The following PPEF1 variants were observed in gnomAD, a reference collection of about 807,000 sequenced individuals.
PPEF1 encodes serine/threonine-protein phosphatase with EF-hands 1.
Under a neutral mutation model 53.3 loss-of-function variants are expected in PPEF1, and 12 were observed. That is an observed-to-expected ratio of 0.23 (90% CI 0.14 to 0.36). PPEF1 has a LOEUF of 0.36. Among genes scored for constraint, PPEF1 ranks in the 10% least tolerant of loss-of-function variants. The probability of loss-of-function intolerance (pLI) is 1.00; values close to 1 mark genes in which losing one functional copy is unlikely to be tolerated. For synonymous variants in PPEF1, 165 were observed against 176.7 expected, an observed-to-expected ratio of 0.93 and a Z score of 0.52; for missense variants, 334 against 490.4, an observed-to-expected ratio of 0.68 and a Z score of 3.01.
At position 18,827,476 on chromosome X, in the gene PPEF1, A is replaced by C; in HGVS notation, c.1951A>C (p.Asn651His). 8.3e-7 allele frequency: 1 copy of C among 1,207,308 alleles called. No individual in the cohort carries two copies. Among genetic ancestry groups the C allele is most frequent in the Non-Finnish European group, 1.1e-6 (1 of 892,030 alleles). Reference sequence around the variant, plus strand: ...AGACTTGATGAAACCTGATGTCACCAACCTTGGCTAAACACAAATGAGAGC... The same window carrying C: ...AGACTTGATGAAACCTGATGTCACCCACCTTGGCTAAACACAAATGAGAGC... ...YEDLMKPDVT[N>H]LG Residue 651 changes from asparagine (N) to histidine (H), a missense_variant, in exon 16 of 16, where the codon AAC (asparagine) becomes CAC (histidine). Asn to His is a moderately conservative substitution (Grantham distance 68, BLOSUM62 1). Coordinates refer to ENST00000470157, the MANE Select transcript of PPEF1 (RefSeq NM_001377996.1).
chrX:18,726,030 C>T (rs1213702437), intron 1 of PPEF1, among the ~76,000 whole-genome samples: 1 of 110,848 alleles, frequency 9.0e-6, no homozygotes, highest in African/African-American at 3.3e-5. Context: ...GTCAGGTGTC[C>T]AGCTAGTGCC....
chrX:18,736,576 T>G (rs2044986400), intron 3 of PPEF1, among the ~76,000 whole-genome samples: 1 of 112,058 alleles, frequency 8.9e-6, no homozygotes, highest in South Asian at 3.7e-4. Flanking sequence ...TCAGGGATAT[T>G]GGTCTAAAAT....
chrX:18,804,317 T>G (rs187145825), intron 11 of PPEF1, among the ~76,000 whole-genome samples: 2 of 109,880 alleles, frequency 1.8e-5, no homozygotes, highest in African/African-American at 6.6e-5. Context: ...AATTCTTTTT[T>G]TTTTTTTGAG....
At chrX:18,679,877 C>T (rs1338424175), upstream of PPEF1, among the ~76,000 whole-genome samples, 2 of 110,627 alleles carry the variant, frequency 1.8e-5, no homozygotes, top group Non-Finnish European at 3.8e-5. Flanking sequence ...ACACTTGAGG[C>T]CAGGAGTTTG....
chrX:18,716,452 A>G (rs2044456941), intron 1 of PPEF1, among the ~76,000 whole-genome samples: 1 of 104,997 alleles, frequency 9.5e-6, no homozygotes. Flanking sequence ...GAATGGCGTG[A>G]ACCCAGGAGG....
In PPEF1 at chrX:18,707,698, G is replaced by A. The variant is rs2044230869; in HGVS notation, c.-83G>A. On this transcript the variant is annotated 5_prime_UTR_variant, in exon 1 of 16. Transcript: ENST00000470157. ...GAGGATCGGCTAAGAGTGGTTCCTC[G>A]CAGCTTAAAGGGAGGCACTTTTCAC... 6 of 899,543 alleles carry A rather than the reference G, an allele frequency of 6.7e-6. No homozygotes were observed. In the Admixed American group the frequency reaches 1.1e-4, roughly 17 times the overall value. The allele number at this position is 899,543 out of a possible 1,213,427, so 74.1% of individuals were successfully genotyped here.
At chrX:18,746,040 G>C (rs2045323079) in intron 3 of PPEF1, among the ~76,000 whole-genome samples, 1 of 111,820 alleles carries the variant, frequency 8.9e-6, no homozygotes, top group African/African-American at 3.2e-5. Context: ...TCTGTACTGG[G>C]TAAAAGAAAA....
Position 18,772,199 on chromosome X carries a change from A to C in PPEF1, c.559-6811A>C, listed in dbSNP as rs182834045. On this transcript the variant is annotated intron_variant, in intron 6 of 15. Transcript: ENST00000470157. Reference sequence around the variant, plus strand: ...AAATATATTTACTACTCAACTCATTAAGTGGAAGTGGATCATCACCAAGGT... The same window carrying C: ...AAATATATTTACTACTCAACTCATTCAGTGGAAGTGGATCATCACCAAGGT... Among the ~76,000 whole-genome samples, 297 of 110,987 alleles carry C rather than the reference A, an allele frequency of 2.7e-3. 5 individuals are homozygous for C. The highest frequency in any genetic ancestry group is 0.025 in the Admixed American group (254 of 10,311).
Position 18,786,465 on chromosome X carries a change from G to T in PPEF1, c.912+2417G>T, listed in dbSNP as rs1000578896. On this transcript the variant is annotated intron_variant, in intron 9 of 15. Transcript: ENST00000470157. The stretch of plus-strand genomic sequence containing the variant: ...TACCTACCATATTGGATTTTTGGGA[G>T]GATTAAATGTAATTACCTATATGAA... 3.6e-5 allele frequency among the ~76,000 whole-genome samples: 4 copies of T among 111,451 alleles called. No homozygotes were observed. The East Asian group carries it at 1.1e-3, about 31-fold the overall frequency.
chrX:18,681,585 G>C (rs1251388173), upstream of PPEF1, among the ~76,000 whole-genome samples: 2 of 111,771 alleles, frequency 1.8e-5, no homozygotes, highest in Admixed American at 1.9e-4. Flanking sequence ...ATGATGTAGA[G>C]GCTGGCACTT....
chrX:18,740,099 C>T (rs1238714356), intron 3 of PPEF1, among the ~76,000 whole-genome samples: 1 of 112,315 alleles, frequency 8.9e-6, no homozygotes, highest in Non-Finnish European at 1.9e-5. Context: ...AGGCGATGCC[C>T]AGCCCTGCTT....
chrX:18,732,196 T>G (rs1363248679), intron 2 of PPEF1, among the ~76,000 whole-genome samples: 1 of 113,121 alleles, frequency 8.8e-6, no homozygotes. Flanking sequence ...TTTTAGTTAA[T>G]ATTACTCATT....
intron 4 of PPEF1, among the ~76,000 whole-genome samples, chrX:18,755,484 T>C (rs1159878914): frequency 1.8e-5 from 2 of 112,046 alleles, no homozygotes; most frequent in East Asian, 2.8e-4. Flanking sequence ...CGATAATCAC[T>C]TGAACCCAGG....
At chrX:18,722,751 C>T (rs1169599849) in intron 1 of PPEF1, among the ~76,000 whole-genome samples, 1 of 110,973 alleles carries the variant, frequency 9.0e-6, no homozygotes, top group Non-Finnish European at 1.9e-5. Flanking sequence ...CAGACAATGA[C>T]AAAGAAGTAA....
At chrX:18,766,482 C>T (rs921107084) in intron 6 of PPEF1, among the ~76,000 whole-genome samples, 1 of 111,763 alleles carries the variant, frequency 8.9e-6, no homozygotes, top group Non-Finnish European at 1.9e-5. Flanking sequence ...CTTCAGCCTA[C>T]TTTACTTACC....
upstream of PPEF1, among the ~76,000 whole-genome samples, chrX:18,675,511 C>T (rs1419687133): frequency 1.8e-5 from 2 of 113,206 alleles, no homozygotes; most frequent in African/African-American, 6.4e-5. Flanking sequence ...TCCCCTGCCC[C>T]TTCCCGCAGC....
intron 6 of PPEF1, among the ~76,000 whole-genome samples, chrX:18,768,960 TGAAGG>T (rs375314755): frequency 2.5e-4 from 28 of 112,546 alleles, no homozygotes; most frequent in African/African-American, 9.0e-4. Context: ...GCCTAAATCA[TGAAGG>T]GAAGTTTTGG....
At chrX:18,686,320 C>T (rs567706429) in intron 3 of PPEF1, 1 of 111,254 alleles carries the variant, frequency 9.0e-6, no homozygotes, top group South Asian at 3.8e-4. Context: ...TCAATTTCAC[C>T]CCCTGGACTG....
At chrX:18,730,131 G>T in intron 1 of PPEF1, 50 bp from the exon 2 acceptor site, 2 of 1,161,140 alleles carry the variant, frequency 1.7e-6, no homozygotes, top group Non-Finnish European at 1.2e-6. Flanking sequence ...TCTCCTAACA[G>T]GTGCATAGTA....
Sources: allele counts gnomAD v4.1 joint callset (sites outside exome capture counted in the v4.1 genomes callset), GRCh38; gene constraint gnomAD v4.1.1; transcripts MANE v1.5; gene names NCBI Gene and HGNC (gene_info 2026-07-23, HGNC 2026-07-21).